MCHR2: variants seen among roughly 807,000 people sequenced by gnomAD.
MCHR2 encodes melanin-concentrating hormone receptor 2.
Under a neutral mutation model 24.8 loss-of-function variants are expected in MCHR2, and 15 were observed. That is an observed-to-expected ratio of 0.60 (90% CI 0.40 to 0.93). The LOEUF (loss-of-function observed/expected upper bound fraction) is 0.93, where lower values mean the gene tolerates loss of function less well. MCHR2 is among the 40% of genes least tolerant of loss of function. The probability of loss-of-function intolerance (pLI) is 0.00; values close to 1 mark genes in which losing one functional copy is unlikely to be tolerated. For synonymous variants in MCHR2, 151 were observed against 147.6 expected (o/e 1.02, Z -0.17); for missense variants, 386 against 408.7 (o/e 0.94, Z 0.48).
intron 1 of MCHR2, among the ~76,000 whole-genome samples, chr6:99,973,946 C>T (rs1332494067): frequency 6.6e-6 from 1 of 152,202 alleles, no homozygotes; most frequent in African/African-American, 2.4e-5. Flanking sequence ...ATCTGATGGG[C>T]TTCCCTTTGT....
chr6:99,930,908 G>A (rs1295395062), intron 5 of MCHR2, among the ~76,000 whole-genome samples: 3 of 152,166 alleles, frequency 2.0e-5, no homozygotes, highest in Non-Finnish European at 4.4e-5. Context: ...TGGTGGAGGA[G>A]AGGCGCTCTG....
At chr6:99,966,821 A>G (rs1051957606) in intron 1 of MCHR2, among the ~76,000 whole-genome samples, 4 of 152,094 alleles carry the variant, frequency 2.6e-5, no homozygotes, top group East Asian at 1.9e-4. Flanking sequence ...GAATCTCTCA[A>G]TTCTTCAGTA....
intron 5 of MCHR2, among the ~76,000 whole-genome samples, chr6:99,929,526 A>G (rs1267169702): frequency 6.6e-6 from 1 of 152,156 alleles, no homozygotes; most frequent in Non-Finnish European, 1.5e-5. Flanking sequence ...GTGCTGCTGT[A>G]TTGGGTGCAT....
chr6:99,939,741 C>A (rs980995474), intron 4 of MCHR2, among the ~76,000 whole-genome samples: 1 of 151,520 alleles, frequency 6.6e-6, no homozygotes, highest in African/African-American at 2.4e-5. Context: ...AGAAGAACTC[C>A]CTTTAGCATT....
At chr6:99,934,829 T>G (rs1774624466) in intron 4 of MCHR2, among the ~76,000 whole-genome samples, 1 of 152,052 alleles carries the variant, frequency 6.6e-6, no homozygotes, top group Non-Finnish European at 1.5e-5. Context: ...GTAACATTTA[T>G]TATATAGTAG....
At chr6:99,971,957 G>C (rs551101126) in intron 1 of MCHR2, among the ~76,000 whole-genome samples, 2 of 152,230 alleles carry the variant, frequency 1.3e-5, no homozygotes, top group East Asian at 3.9e-4. Flanking sequence ...GCTGGATTCG[G>C]TTTGCCAGTA....
In MCHR2 at chr6:99,967,441, A is replaced by G. The variant is rs191890682; in HGVS notation, c.-27-11267T>C. ...CAGAGATTAAATCAAAAGACCTAAC[A>G]GATGATGAGCTTACTTACATGGCAG... On this transcript the variant is annotated intron_variant, in intron 1 of 5. Coordinates refer to ENST00000281806, the MANE Select transcript of MCHR2 (RefSeq NM_001040179.2). Among the ~76,000 whole-genome samples, 4 of 152,312 alleles carry G rather than the reference A, an allele frequency of 2.6e-5. No homozygotes were observed. The East Asian group carries it at 7.7e-4, about 29-fold the overall frequency.
At chr6:99,934,176 G>GA (rs1222305290) in intron 5 of MCHR2, among the ~76,000 whole-genome samples, 1 of 151,980 alleles carries the variant, frequency 6.6e-6, no homozygotes, top group African/African-American at 2.4e-5. Flanking sequence ...GCATTTTAAT[G>GA]AAACCATTAC....
chr6:99,962,230 A>G (rs1280339495), intron 1 of MCHR2, among the ~76,000 whole-genome samples: 11 of 152,188 alleles, frequency 7.2e-5, no homozygotes, highest in Non-Finnish European at 1.2e-4. Flanking sequence ...GCAGGCAGGT[A>G]GCATATGCAG....
intron 1 of MCHR2, among the ~76,000 whole-genome samples, chr6:99,960,087 A>G (rs542572703): frequency 4.6e-5 from 7 of 152,226 alleles, no homozygotes; most frequent in African/African-American, 1.7e-4. Flanking sequence ...AAATTTTGAA[A>G]GCAGCAAGAG....
intron 4 of MCHR2, among the ~76,000 whole-genome samples, chr6:99,939,712 T>G (rs1328533387): frequency 6.6e-6 from 1 of 151,880 alleles, no homozygotes; most frequent in African/African-American, 2.4e-5. Flanking sequence ...ATTAGTGTTT[T>G]TTTTTTTTTC....
At chr6:99,922,344 C>T (rs1190299646) in intron 5 of MCHR2, among the ~76,000 whole-genome samples, 6 of 151,932 alleles carry the variant, frequency 3.9e-5, no homozygotes, top group South Asian at 2.1e-4. Context: ...CCTAACCTCG[C>T]GATCCGCCCG....
At chr6:99,991,763 C>G (rs1775881399) in intron 1 of MCHR2, among the ~76,000 whole-genome samples, 1 of 131,160 alleles carries the variant, frequency 7.6e-6, no homozygotes, top group South Asian at 2.4e-4. Context: ...GCAGAGACCG[C>G]GCGACACTGC....
At chr6:99,945,319 TACTG>T (rs745510294) in intron 3 of MCHR2, among the ~76,000 whole-genome samples, 1 of 152,184 alleles carries the variant, frequency 6.6e-6, no homozygotes, top group African/African-American at 2.4e-5. Context: ...GGCTCCTACT[TACTG>T]ACTCTTGATG....
chr6:99,976,289 A>G (rs978929532), intron 1 of MCHR2, among the ~76,000 whole-genome samples: 1 of 152,200 alleles, frequency 6.6e-6, no homozygotes, highest in Non-Finnish European at 1.5e-5. Flanking sequence ...CTGAACATCC[A>G]GTTCAGAATC....
intron 5 of MCHR2, among the ~76,000 whole-genome samples, chr6:99,928,229 T>C (rs1301025653): frequency 1.3e-5 from 2 of 152,212 alleles, no homozygotes. Context: ...CGCTGCTGAA[T>C]TCAGTTTGCT....
At chr6:99,967,877 G>A (rs1407577773) in intron 1 of MCHR2, among the ~76,000 whole-genome samples, 1 of 152,012 alleles carries the variant, frequency 6.6e-6, no homozygotes, top group African/African-American at 2.4e-5. Flanking sequence ...CTATTTCAGT[G>A]ATCTCCAGGC....
intron 5 of MCHR2, among the ~76,000 whole-genome samples, chr6:99,931,895 C>T (rs894591432): frequency 6.6e-6 from 1 of 152,170 alleles, no homozygotes; most frequent in African/African-American, 2.4e-5. Flanking sequence ...CCCGGTACCT[C>T]AGATGGAAAT....
chr6:99,931,243 C>T (rs182185790), intron 5 of MCHR2, among the ~76,000 whole-genome samples: 64 of 152,246 alleles, frequency 4.2e-4, no homozygotes, highest in African/African-American at 1.5e-3. Flanking sequence ...TCAGTCTGCC[C>T]CTACTGGGGG....
Sources: allele counts gnomAD v4.1 joint callset (sites outside exome capture counted in the v4.1 genomes callset), GRCh38; gene constraint gnomAD v4.1.1; transcripts MANE v1.5; gene names NCBI Gene and HGNC (gene_info 2026-07-23, HGNC 2026-07-21).